Variants in EMSY observed in about 807,000 individuals in gnomAD.
EMSY encodes EMSY transcriptional repressor, BRCA2 interacting, also known as BRCA2-interacting transcriptional repressor EMSY.
In EMSY, 26 loss-of-function variants were observed where a neutral mutation model predicts 134.6. The ratio of observed to expected loss-of-function variants is 0.19; its 90% confidence interval spans 0.14 to 0.27. The LOEUF (loss-of-function observed/expected upper bound fraction) is 0.27. Ranked by LOEUF, EMSY falls within the 10% of genes least tolerant of loss-of-function variation. The pLI is 1.00. For missense variants in EMSY, 1,305 were observed against 1,611.4 expected (o/e 0.81, Z 3.26); for synonymous variants, 579 against 577.8 (o/e 1.00, Z -0.03).
chr11:76,477,229 T>A (rs1277552456), intron 8 of EMSY, among the ~76,000 whole-genome samples: 1 of 151,606 alleles, frequency 6.6e-6, no homozygotes, highest in Non-Finnish European at 1.5e-5. Flanking sequence ...CACGTGAAAT[T>A]CTTTTCTCTG....
At chr11:76,484,738 G>C (rs1013683543) in intron 8 of EMSY, among the ~76,000 whole-genome samples, 4 of 152,034 alleles carry the variant, frequency 2.6e-5, no homozygotes, top group Non-Finnish European at 5.9e-5. Context: ...TTCGAGACCA[G>C]CCTGACCAAC....
chr11:76,487,606 C>T (rs1036940547), intron 8 of EMSY, among the ~76,000 whole-genome samples: 11 of 152,202 alleles, frequency 7.2e-5, no homozygotes, highest in South Asian at 6.2e-4. Flanking sequence ...ACCTAACAAC[C>T]GCAGATCGTC....
exon 21 of EMSY, chr11:76,549,963 G>A: frequency 6.2e-7 from 1 of 1,610,930 alleles, no homozygotes; most frequent in South Asian, 1.1e-5. Flanking sequence ...CTATTCCTCA[G>A]TATGCTATTC....
chr11:76,453,669 C>T, intron 4 of EMSY: 3 of 248,130 alleles, frequency 1.2e-5, no homozygotes, highest in Non-Finnish European at 2.3e-5. Context: ...GATTCACTTA[C>T]TTGAGGCCAA....
intron 14 of EMSY, among the ~76,000 whole-genome samples, chr11:76,530,942 T>C (rs1243735094): frequency 6.6e-6 from 1 of 152,220 alleles, no homozygotes; most frequent in African/African-American, 2.4e-5. Context: ...CCTTTTGATA[T>C]AATTTCAAAA....
At chr11:76,488,359 G>A (rs368196118) in intron 8 of EMSY, among the ~76,000 whole-genome samples, 3 of 152,064 alleles carry the variant, frequency 2.0e-5, no homozygotes, top group Admixed American at 6.6e-5. Flanking sequence ...GTAGCTACTC[G>A]GGAAGCCTGA....
At chr11:76,546,009 T>G in exon 20 of EMSY, 1 of 1,614,152 alleles carries the variant, frequency 6.2e-7, no homozygotes, top group Admixed American at 1.7e-5. Context: ...TTGATACAAA[T>G]GTAGAACATA....
chr11:76,483,467 TAGAG>T (rs1407899942), intron 8 of EMSY, among the ~76,000 whole-genome samples: 1 of 152,126 alleles, frequency 6.6e-6, no homozygotes, highest in African/African-American at 2.4e-5. Context: ...GTAAATTGGA[TAGAG>T]AGTCAAGACC....
At position 76,530,012 on chromosome 11, in the gene EMSY, G is replaced by C. The variant is rs377211148; in HGVS notation, c.2194+1546G>C. ...GCAGATAAAATGTTTAGTATGAGTT[G>C]GTGCAAAAAGGGGACATGAACAGTA... On this transcript the variant is annotated intron_variant, in intron 14 of 20. Coordinates refer to ENST00000334736, the Ensembl canonical transcript of EMSY. 4.6e-5 allele frequency among the ~76,000 whole-genome samples: 7 copies of C among 152,032 alleles called. No homozygotes were observed. The East Asian group carries it at 1.2e-3, about 25-fold the overall frequency.
At chr11:76,532,102 T>C (rs541691965) in intron 14 of EMSY, among the ~76,000 whole-genome samples, 4 of 152,300 alleles carry the variant, frequency 2.6e-5, no homozygotes, top group African/African-American at 9.6e-5. Flanking sequence ...CAATTTTATT[T>C]TGTATGTTGT....
intron 11 of EMSY, 83 bp from the exon 13 acceptor site, chr11:76,523,072 A>G (rs918642596): frequency 1.5e-6 from 2 of 1,348,792 alleles, no homozygotes; most frequent in Non-Finnish European, 2.0e-6. Context: ...TACTATATGT[A>G]CTAATTGTGT....
At chr11:76,472,951 C>G in intron 8 of EMSY, 111 bp downstream of exon 9, 1 of 1,106,076 alleles carries the variant, frequency 9.0e-7, no homozygotes, top group African/African-American at 1.6e-5. Context: ...ACTATTAGAC[C>G]CAAGATCACC....
Position 76,544,669 on chromosome 11 carries a change from G to A in EMSY, c.3120G>A (p.Pro1040=), listed in dbSNP as rs560840363. The A allele has an allele frequency of 6.2e-6, 10 of 1,613,972 alleles. No individual in the cohort carries two copies. The Admixed American group carries it at 6.7e-5, about 11-fold the overall frequency. The stretch of plus-strand genomic sequence containing the variant: ...TTCCTACCTTAATGGCACAGCCCCC[G>A]CAAACTGTAGTACAGGTGCTTGCAG... Residue 1040 remains proline (P), a synonymous_variant, in exon 19 of 21, where the codon CCG becomes CCA. Transcript: ENST00000334736.
intron 10 of EMSY, among the ~76,000 whole-genome samples, chr11:76,515,285 A>G (rs1049352757): frequency 6.6e-6 from 1 of 152,020 alleles, no homozygotes; most frequent in Non-Finnish European, 1.5e-5. Flanking sequence ...GATTTCTTCA[A>G]GTGAAGATGA....
intron 8 of EMSY, among the ~76,000 whole-genome samples, chr11:76,477,629 C>T (rs981627001): frequency 1.3e-5 from 2 of 152,030 alleles, no homozygotes; most frequent in Admixed American, 1.3e-4. Flanking sequence ...GCTGGTAATA[C>T]AGAAAGAGGT....
chr11:76,484,291 G>A (rs1305502532), intron 8 of EMSY, among the ~76,000 whole-genome samples: 1 of 152,204 alleles, frequency 6.6e-6, no homozygotes, highest in Non-Finnish European at 1.5e-5. Context: ...GTCCACAGGA[G>A]AAAGCAGGAA....
chr11:76,551,828 G>T (rs184403113), downstream of EMSY: 1 of 152,206 alleles, frequency 6.6e-6, no homozygotes, highest in Non-Finnish European at 1.5e-5. Flanking sequence ...GGGCTCATGG[G>T]CCTCTAAGCC....
Position 76,487,598 on chromosome 11 carries a change from C to T in EMSY, c.1109-8617C>T, listed in dbSNP as rs550542368. 2.6e-5 allele frequency among the ~76,000 whole-genome samples: 4 copies of T among 152,294 alleles called. No homozygotes were observed. In the East Asian group the frequency reaches 7.7e-4, roughly 29 times the overall value. Reference sequence around the variant, plus strand: ...TCAGAGTTAGGAATGGTGGTGATACCTAACAACCGCAGATCGTCCACATGG... The same window carrying T: ...TCAGAGTTAGGAATGGTGGTGATACTTAACAACCGCAGATCGTCCACATGG... On this transcript the variant is annotated intron_variant, in intron 8 of 20. Transcript: ENST00000334736.
intron 7 of EMSY, among the ~76,000 whole-genome samples, chr11:76,467,996 A>AC (rs1948426402): frequency 6.6e-6 from 1 of 151,456 alleles, no homozygotes; most frequent in Non-Finnish European, 1.5e-5. Context: ...AAAAAACAAA[A>AC]AAAAAAACTT....
Sources: gnomAD v4.1 joint callset for allele counts (sites outside exome capture counted in the v4.1 genomes callset) on GRCh38, gnomAD v4.1.1 for gene constraint, MANE v1.5 for transcripts, NCBI Gene and HGNC (gene_info 2026-07-23, HGNC 2026-07-21) for gene names.